INTS9: variants seen among roughly 807,000 people sequenced by gnomAD.
INTS9 encodes the protein integrator complex subunit 9, also known as protein related to CPSF subunits of 74 kDa.
INTS9 carries 55 observed loss-of-function variants against 79.7 expected under a neutral mutation model. The observed-to-expected ratio is 0.69, with a 90% confidence interval of 0.56 to 0.86. INTS9 has a LOEUF of 0.86. Among genes scored for constraint, INTS9 ranks in the 40% least tolerant of loss-of-function variants. The pLI is 0.00. For missense variants in INTS9, 721 were observed against 831.5 expected, an observed-to-expected ratio of 0.87 and a Z score of 1.64; for synonymous variants, 319 against 325.2, an observed-to-expected ratio of 0.98 and a Z score of 0.20.
chr8:28,876,691 A>T (rs1809408279), intron 1 of INTS9, among the ~76,000 whole-genome samples: 1 of 151,060 alleles, frequency 6.6e-6, no homozygotes, highest in Non-Finnish European at 1.5e-5. Context: ...ATGAAGTGTA[A>T]AAAAAAAATC....
chr8:28,877,653 G>A (rs1809469013), intron 1 of INTS9, among the ~76,000 whole-genome samples: 1 of 152,166 alleles, frequency 6.6e-6, no homozygotes, highest in Non-Finnish European at 1.5e-5. Context: ...TTAATTGATA[G>A]AAGTTTGGTT....
chr8:28,838,192 C>T (rs899140885), intron 4 of INTS9, among the ~76,000 whole-genome samples: 2 of 151,948 alleles, frequency 1.3e-5, no homozygotes, highest in Non-Finnish European at 2.9e-5. Context: ...AACGGGGACG[C>T]AGCACACAGA....
intron 9 of INTS9, 127 bp downstream of exon 9, chr8:28,796,417 C>T (rs1320777732): frequency 5.1e-6 from 3 of 592,928 alleles, no homozygotes; most frequent in Non-Finnish European, 9.1e-6. Flanking sequence ...AGATATACTG[C>T]CTCCCTCCTT....
At chr8:28,782,595 G>A (rs1424896335) in intron 11 of INTS9, among the ~76,000 whole-genome samples, 1 of 152,216 alleles carries the variant, frequency 6.6e-6, no homozygotes, top group Non-Finnish European at 1.5e-5. Context: ...TTTTAGAAAT[G>A]TGATGTCCTG....
chr8:28,789,711 A>G (rs976824404), intron 10 of INTS9, among the ~76,000 whole-genome samples: 1 of 152,114 alleles, frequency 6.6e-6, no homozygotes, highest in African/African-American at 2.4e-5. Flanking sequence ...GACGAGATGC[A>G]ACCTTGTCTG....
chr8:28,801,378 T>C (rs1804508047), intron 8 of INTS9, among the ~76,000 whole-genome samples: 1 of 151,926 alleles, frequency 6.6e-6, no homozygotes, highest in African/African-American at 2.4e-5. Flanking sequence ...TACCTCTAGC[T>C]ACTCAGGAGG....
chr8:28,775,837 G>A lies in INTS9; in HGVS notation c.1485C>T (p.Pro495=), dbSNP rs148560235. 31 of 1,613,782 alleles carry A rather than the reference G, an allele frequency of 1.9e-5. No homozygotes were observed. Among genetic ancestry groups the A allele is most frequent in the Middle Eastern group, 1.7e-4 (1 of 6,060 alleles). The change falls in exon 14 of 17, where the codon CCC becomes CCT. Residue 495 remains proline (P), a synonymous_variant. Coordinates refer to ENST00000521022, the MANE Select transcript of INTS9 (RefSeq NM_018250.4). ...RMDLMIDCQP[P]AMSYRRAEVL... Reference sequence around the variant, plus strand: ...CCTCAGCCCGCCGATAGGACATGGCGGGGGGCTGGCAGTCGATCATGAGGT... The same window carrying A: ...CCTCAGCCCGCCGATAGGACATGGCAGGGGGCTGGCAGTCGATCATGAGGT...
chr8:28,826,259 G>A (rs1217796219), intron 6 of INTS9, among the ~76,000 whole-genome samples: 2 of 152,098 alleles, frequency 1.3e-5, no homozygotes, highest in African/African-American at 4.8e-5. Flanking sequence ...CCTCAGCACT[G>A]AGCATAGTGC....
At chr8:28,843,185 G>A (rs975625417) in intron 4 of INTS9, among the ~76,000 whole-genome samples, 3 of 152,222 alleles carry the variant, frequency 2.0e-5, no homozygotes, top group African/African-American at 4.8e-5. Flanking sequence ...ACTGGCAACT[G>A]CTGTTTATCT....
At chr8:28,884,864 C>T (rs1330304381) in intron 1 of INTS9, among the ~76,000 whole-genome samples, 2 of 152,128 alleles carry the variant, frequency 1.3e-5, no homozygotes, top group African/African-American at 2.4e-5. Context: ...ATTTATAGCC[C>T]GAGATTTCCT....
chr8:28,774,298 A>G (rs78518353), intron 14 of INTS9, among the ~76,000 whole-genome samples: 2,406 of 152,346 alleles, frequency 0.016, 74 homozygotes, highest in African/African-American at 0.055. Flanking sequence ...GTTAACATAT[A>G]ATAGGTTTGT....
intron 3 of INTS9, chr8:28,849,919 C>A (rs1807734401): frequency 3.6e-6 from 1 of 274,184 alleles, no homozygotes; most frequent in Non-Finnish European, 6.8e-6. Flanking sequence ...ACACTCATTG[C>A]AATTCTAGAA....
intron 3 of INTS9, among the ~76,000 whole-genome samples, chr8:28,847,556 C>T (rs902005493): frequency 1.3e-5 from 2 of 151,936 alleles, no homozygotes; most frequent in African/African-American, 4.8e-5. Context: ...AATGTTTTTC[C>T]GTGCAGAACA....
At chr8:28,864,082 C>A (rs908617965) in intron 1 of INTS9, among the ~76,000 whole-genome samples, 2 of 152,092 alleles carry the variant, frequency 1.3e-5, no homozygotes, top group Non-Finnish European at 2.9e-5. Context: ...GCGGCTCATG[C>A]CTATAATCCC....
At chr8:28,888,335 T>G (rs2131409680) in intron 1 of INTS9, among the ~76,000 whole-genome samples, 1 of 152,248 alleles carries the variant, frequency 6.6e-6, no homozygotes, top group East Asian at 1.9e-4. Flanking sequence ...GCAGATACCT[T>G]GAACCCAGGA....
chr8:28,831,052 C>G (rs1457929858), intron 6 of INTS9, among the ~76,000 whole-genome samples: 1 of 152,104 alleles, frequency 6.6e-6, no homozygotes, highest in East Asian at 1.9e-4. Flanking sequence ...AAGATATGGA[C>G]TCAACCAAAA....
At chr8:28,857,084 G>T (rs1278822620) in intron 2 of INTS9, among the ~76,000 whole-genome samples, 1 of 152,046 alleles carries the variant, frequency 6.6e-6, no homozygotes, top group African/African-American at 2.4e-5. Flanking sequence ...AGTATTCCAT[G>T]GTGTATATGT....
intron 2 of INTS9, among the ~76,000 whole-genome samples, chr8:28,853,436 C>G (rs1046003452): frequency 1.4e-5 from 2 of 145,434 alleles, no homozygotes; most frequent in African/African-American, 2.6e-5. Context: ...AAGAAAGAAA[C>G]AAAGAAAGAA....
intron 11 of INTS9, among the ~76,000 whole-genome samples, chr8:28,786,374 G>T: frequency 6.6e-6 from 1 of 151,652 alleles, no homozygotes; most frequent in East Asian, 1.9e-4. Flanking sequence ...CAGCAGCCTC[G>T]AACTCCCTCA....
Sources: gnomAD v4.1 joint callset for allele counts (sites outside exome capture counted in the v4.1 genomes callset) on GRCh38, gnomAD v4.1.1 for gene constraint, MANE v1.5 for transcripts, NCBI Gene and HGNC (gene_info 2026-07-23, HGNC 2026-07-21) for gene names.